Variants in TPST2 observed in about 807,000 individuals in gnomAD.
The protein encoded by TPST2 is protein-tyrosine sulfotransferase 2.
TPST2 carries 16 observed loss-of-function variants against 27.8 expected under a neutral mutation model. The observed-to-expected ratio is 0.58, with a 90% confidence interval of 0.39 to 0.88. TPST2 has a LOEUF of 0.88. TPST2 is among the 40% of genes least tolerant of loss of function. The probability of loss-of-function intolerance (pLI) is 0.00; values close to 1 mark genes in which losing one functional copy is unlikely to be tolerated. For missense variants in TPST2, 464 were observed against 543.1 expected, an observed-to-expected ratio of 0.85 and a Z score of 1.45; for synonymous variants, 229 against 231.7, an observed-to-expected ratio of 0.99 and a Z score of 0.10.
intron 3 of TPST2, among the ~76,000 whole-genome samples, chr22:26,538,060 A>C (rs1031109839): frequency 5.3e-5 from 8 of 152,218 alleles, no homozygotes; most frequent in African/African-American, 1.9e-4. Context: ...TGAATGATGC[A>C]GATCTTACCA....
At chr22:26,545,625 C>A (rs1376466737) in intron 1 of TPST2, among the ~76,000 whole-genome samples, 1 of 152,220 alleles carries the variant, frequency 6.6e-6, no homozygotes, top group South Asian at 2.1e-4. Context: ...TGAAGCTAAA[C>A]CTCCCACCTG....
intron 1 of TPST2, among the ~76,000 whole-genome samples, chr22:26,549,973 G>A (rs13053202): frequency 2.0e-5 from 3 of 150,948 alleles, no homozygotes; most frequent in Non-Finnish European, 4.4e-5. Flanking sequence ...CTGAGAGGCA[G>A]AGGTTGCAGT....
chr22:26,567,693 T>A (rs143266328), intron 1 of TPST2, among the ~76,000 whole-genome samples: 14 of 152,232 alleles, frequency 9.2e-5, no homozygotes, highest in Non-Finnish European at 1.6e-4. Context: ...ACTGAGAACA[T>A]ATAAAGAGTT....
chr22:26,564,418 G>C (rs1927283617), intron 1 of TPST2, among the ~76,000 whole-genome samples: 1 of 152,216 alleles, frequency 6.6e-6, no homozygotes, highest in South Asian at 2.1e-4. Context: ...GCAGGACGGA[G>C]GACCAGGCTG....
Position 26,534,911 on chromosome 22 carries a change from AGCC to A in TPST2, c.1041+1374_1041+1376del, listed in dbSNP as rs971823383. Among the ~76,000 whole-genome samples the A allele has an allele frequency of 2.1e-4, 32 of 152,208 alleles. 1 individual carries two copies. The highest frequency in any genetic ancestry group is 3.2e-4 in the Non-Finnish European group (22 of 68,042). The stretch of plus-strand genomic sequence containing the variant: ...AAATAACAAACCACATCTGGGTTGC[AGCC>A]ATTCACCTGTCAATGTCGGCTGGTA... On this transcript the variant is annotated intron_variant, in intron 4 of 6. Coordinates refer to ENST00000338754, the MANE Select transcript of TPST2 (RefSeq NM_003595.5).
rs1411749033 is a variant in TPST2, at chr22:26,541,415, G to T, written c.216C>A (p.Phe72Leu). The change falls in exon 3 of 7, where the codon TTC (phenylalanine) becomes TTA (leucine). Residue 72 changes from phenylalanine (F) to leucine (L), a missense_variant. By Grantham distance (22) the Phe-to-Leu change is conservative. Transcript: ENST00000338754. The surrounding 1 kb of genome is among the most constrained non-coding windows in gnomAD (Gnocchi z 5.9). ...TGCCACTGCGAGGCACGCCACCCAC[G>T]AAGATGAGCGGCATGGCCTTGCCAT... is the stretch of plus-strand genomic sequence containing the variant. ...YRYGKAMPLI[F>L]VGGVPRSGTT... 1.9e-6 allele frequency: 3 copies of T among 1,570,548 alleles called. No homozygotes were observed. Among genetic ancestry groups the T allele is most frequent in the African/African-American group, 1.4e-5 (1 of 73,868 alleles).
intron 1 of TPST2, among the ~76,000 whole-genome samples, chr22:26,579,664 A>C (rs1928011573): frequency 6.6e-6 from 1 of 152,172 alleles, no homozygotes; most frequent in Non-Finnish European, 1.5e-5. Flanking sequence ...GTGGGATGAA[A>C]AGTTTTTAAT....
rs748985961 is a variant in TPST2, at chr22:26,541,375, C to T, written c.256G>A (p.Ala86Thr). 1.2e-5 allele frequency: 18 copies of T among 1,557,108 alleles called. No individual in the cohort carries two copies. Among genetic ancestry groups the T allele is most frequent in the Non-Finnish European group, 1.4e-5 (16 of 1,150,752 alleles). ...VPRSGTTLMR[A>T]MLDAHPEVRC... ...ACCTCGGGGTGCGCGTCCAGCATGG[C>T]GCGCATCAACGTGGTGCCACTGCGA... Residue 86 changes from alanine to threonine, a missense_variant, in exon 3 of 7, where the codon GCC becomes ACC. By Grantham distance (58) the Ala-to-Thr change is moderately conservative. Transcript: ENST00000338754. The surrounding 1 kb of genome is among the most constrained non-coding windows in gnomAD (Gnocchi z 5.9).
chr22:26,549,689 GA>G (rs1231393613), intron 1 of TPST2, among the ~76,000 whole-genome samples: 9 of 137,472 alleles, frequency 6.5e-5, no homozygotes, highest in African/African-American at 1.3e-4. Flanking sequence ...AAAGAAAAAA[GA>G]AAAAAAAAAT....
At position 26,524,992 on chromosome 22, in the gene TPST2, C is replaced by A. The variant is rs1924751828; in HGVS notation, c.*1283G>T. On this transcript the variant is annotated 3_prime_UTR_variant, in exon 7 of 7. Coordinates refer to ENST00000338754, the MANE Select transcript of TPST2 (RefSeq NM_003595.5). ...TTGGGCCATGCTGTATCATTTTGAC[C>A]TCTGGAGCAGCTGGTGATTAAGTAA... The A allele has an allele frequency of 6.6e-6, 1 of 152,168 alleles. No individual in the cohort carries two copies. The highest frequency in any genetic ancestry group is 6.5e-5 in the Admixed American group (1 of 15,270). 9.4% of individuals were successfully genotyped at this position (152,168 alleles called of 1,614,324 possible). A position where few individuals can be genotyped will look rare whatever the true frequency, so the allele number is the denominator to read the frequency against.
At chr22:26,537,917 C>T (rs1163651201) in intron 3 of TPST2, among the ~76,000 whole-genome samples, 1 of 152,162 alleles carries the variant, frequency 6.6e-6, no homozygotes, top group Non-Finnish European at 1.5e-5. Flanking sequence ...TGTAGCCTTC[C>T]TCCATCACTT....
intron 1 of TPST2, among the ~76,000 whole-genome samples, chr22:26,581,635 C>T (rs1275873338): frequency 2.0e-5 from 3 of 152,168 alleles, no homozygotes; most frequent in South Asian, 2.1e-4. Flanking sequence ...TCAGTTTTCT[C>T]GCCTGTAAAG....
At chr22:26,583,583 C>T (rs896036843) in intron 1 of TPST2, among the ~76,000 whole-genome samples, 2 of 151,094 alleles carry the variant, frequency 1.3e-5, no homozygotes, top group Admixed American at 6.6e-5. Context: ...GTGCCATGCG[C>T]GATGGCTCAC....
intron 1 of TPST2, among the ~76,000 whole-genome samples, chr22:26,572,676 T>C (rs1419252131): frequency 6.6e-6 from 1 of 152,126 alleles, no homozygotes; most frequent in Non-Finnish European, 1.5e-5. Context: ...CCCCTCTGCC[T>C]ACCACTCACC....
At chr22:26,570,588 G>A (rs753756117) in intron 1 of TPST2, among the ~76,000 whole-genome samples, 20 of 151,970 alleles carry the variant, frequency 1.3e-4, no homozygotes, top group African/African-American at 2.2e-4. Context: ...AGATACTAGC[G>A]CCCCTGGATG....
intron 1 of TPST2, chr22:26,560,739 G>T: frequency 3.5e-6 from 4 of 1,144,928 alleles, no homozygotes; most frequent in South Asian, 2.4e-5. Flanking sequence ...GGCCCATTAC[G>T]AAAGAGAAAT....
chr22:26,577,078 A>G (rs891522361), intron 1 of TPST2, among the ~76,000 whole-genome samples: 2 of 148,898 alleles, frequency 1.3e-5, no homozygotes, highest in East Asian at 2.0e-4. Context: ...CCTGGGCGAC[A>G]GAACGAGACT....
At chr22:26,561,105 G>T (rs1332679187) in intron 1 of TPST2, 1 of 1,609,234 alleles carries the variant, frequency 6.2e-7, no homozygotes, top group African/African-American at 1.3e-5. Context: ...TGAGGAAGAT[G>T]AAGAGGATGA....
intron 3 of TPST2, among the ~76,000 whole-genome samples, chr22:26,537,805 C>T (rs558264969): frequency 5.7e-4 from 86 of 152,206 alleles, no homozygotes; most frequent in African/African-American, 1.4e-3. Flanking sequence ...CCTGTGCACA[C>T]GCTCTCTCTC....
Sources: allele counts gnomAD v4.1 joint callset (sites outside exome capture counted in the v4.1 genomes callset), GRCh38; gene constraint gnomAD v4.1.1; non-coding constraint Gnocchi (gnomAD v3.1); transcripts MANE v1.5; gene names NCBI Gene and HGNC (gene_info 2026-07-23, HGNC 2026-07-21).